The following RASSF5 variants were observed in gnomAD, a reference collection of about 807,000 sequenced individuals.
RASSF5 encodes ras association domain-containing protein 5.
RASSF5 carries 25 observed loss-of-function variants against 40.5 expected under a neutral mutation model. The ratio of observed to expected loss-of-function variants is 0.62; its 90% CI spans 0.45 to 0.86. RASSF5 has a LOEUF of 0.86. RASSF5 is among the 40% of genes least tolerant of loss of function. RASSF5 has a pLI of 0.00. For synonymous variants in RASSF5, 246 were observed against 252.4 expected (o/e 0.97, Z 0.24); for missense variants, 521 against 572.8 (o/e 0.91, Z 0.92).
intron 2 of RASSF5, among the ~76,000 whole-genome samples, chr1:206,551,456 ACTC>A (rs1242437774): frequency 6.6e-6 from 1 of 151,756 alleles, no homozygotes; most frequent in Non-Finnish European, 1.5e-5. Flanking sequence ...TCCTTCACAG[ACTC>A]CTGCCACACT....
chr1:206,519,650 A>G (rs1017800878), intron 1 of RASSF5, among the ~76,000 whole-genome samples: 11 of 152,126 alleles, frequency 7.2e-5, no homozygotes, highest in Non-Finnish European at 1.5e-4. Flanking sequence ...ATATACTTTC[A>G]AGAATCAGTG....
chr1:206,540,180 G>T (rs1553399191), intron 2 of RASSF5, among the ~76,000 whole-genome samples: 1 of 152,212 alleles, frequency 6.6e-6, no homozygotes, highest in African/African-American at 2.4e-5. Context: ...AGAATTATCT[G>T]ACCTCAAATG....
chr1:206,557,079 G>T (rs1202102346), intron 2 of RASSF5: 1 of 958,842 alleles, frequency 1.0e-6, no homozygotes. Flanking sequence ...CCGGGGGCGG[G>T]TGGCACCCAG....
intron 1 of RASSF5, chr1:206,529,192 T>C (rs1667172252): frequency 1.4e-6 from 2 of 1,431,496 alleles, no homozygotes; most frequent in Non-Finnish European, 1.9e-6. Context: ...ACTCAGCTGC[T>C]TAAGCTGGCC....
chr1:206,547,891 C>T (rs1319660312), intron 2 of RASSF5, among the ~76,000 whole-genome samples: 3 of 152,122 alleles, frequency 2.0e-5, no homozygotes, highest in Admixed American at 6.5e-5. Context: ...GGTTTCCATC[C>T]GATATCATTT....
At chr1:206,574,457 A>G (rs1160484887) in intron 2 of RASSF5, among the ~76,000 whole-genome samples, 2 of 152,150 alleles carry the variant, frequency 1.3e-5, no homozygotes, top group African/African-American at 4.8e-5. Context: ...GACATTGACC[A>G]TCTGCTCTAC....
chr1:206,525,652 A>G (rs1667080338), intron 1 of RASSF5, among the ~76,000 whole-genome samples: 1 of 152,180 alleles, frequency 6.6e-6, no homozygotes, highest in South Asian at 2.1e-4. Flanking sequence ...TTGTTTTGTT[A>G]TGTTGCCCAG....
chr1:206,518,367 C>T (rs1158218848), intron 1 of RASSF5: 1 of 398,530 alleles, frequency 2.5e-6, no homozygotes. Context: ...TGGAGAAAAG[C>T]TATTGATCTC....
intron 1 of RASSF5, among the ~76,000 whole-genome samples, chr1:206,524,192 G>C (rs1386312793): frequency 2.2e-5 from 3 of 133,768 alleles, no homozygotes; most frequent in Non-Finnish European, 4.6e-5. Context: ...ATATAATATA[G>C]ATACCATATG....
intron 2 of RASSF5, among the ~76,000 whole-genome samples, chr1:206,546,089 A>ATTTTTTTTTTTT (rs10603701): frequency 2.1e-5 from 1 of 48,248 alleles, no homozygotes; most frequent in African/African-American, 8.1e-5. Flanking sequence ...TTCTTTTTCT[A>ATTTTTTTTTTTT]TTTTTTTTTT....
intron 1 of RASSF5, among the ~76,000 whole-genome samples, chr1:206,525,721 G>T (rs1667081613): frequency 6.6e-6 from 1 of 152,180 alleles, no homozygotes; most frequent in African/African-American, 2.4e-5. Flanking sequence ...CACAGTGCTG[G>T]GATTACAGGC....
intron 1 of RASSF5, among the ~76,000 whole-genome samples, chr1:206,533,746 C>A (rs1425978425): frequency 3.3e-5 from 5 of 151,758 alleles, no homozygotes; most frequent in African/African-American, 4.8e-5. Context: ...GAGAGTGAGA[C>A]CCTGTCTTAA....
rs893896805 is a variant in RASSF5 at position 206,531,233 on chromosome 1, C to A, written c.458-6939C>A. On this transcript the variant is annotated intron_variant, in intron 1 of 5. Transcript: ENST00000579436. This position sits in a 1 kb window ranked among gnomAD's most constrained non-coding sequence, Gnocchi z 4.7. The stretch of plus-strand genomic sequence containing the variant: ...AGCATTCCTTCCTTTAGTCACTCAA[C>A]CAATTTGTAGTAGTCCCTTTCTGAA... 6.6e-6 allele frequency among the ~76,000 whole-genome samples: 1 copy of A among 152,344 alleles called. No individual in the cohort carries two copies. Among genetic ancestry groups the A allele is most frequent in the Admixed American group, 6.5e-5 (1 of 15,310 alleles).
chr1:206,549,300 G>T (rs922095921), intron 2 of RASSF5, among the ~76,000 whole-genome samples: 21 of 152,106 alleles, frequency 1.4e-4, no homozygotes, highest in African/African-American at 5.1e-4. Flanking sequence ...AACTCTAGTG[G>T]TTTGATGTGG....
At position 206,525,797 on chromosome 1, in the gene RASSF5, G is replaced by A. The variant is rs538714396; in HGVS notation, c.458-12375G>A. ...ACTTTGGTGTCTGAGCAACAACTGA[G>A]CAGATCTTATGCCTTTCCCTTTAGT... On this transcript the variant is annotated intron_variant, in intron 1 of 5. Transcript: ENST00000579436. Among the ~76,000 whole-genome samples, 12 of 152,286 alleles carry A rather than the reference G, an allele frequency of 7.9e-5. No homozygotes were observed. The South Asian group carries it at 2.3e-3, about 29-fold the overall frequency.
At chr1:206,571,327 A>G (rs781971586) in intron 2 of RASSF5, 4 of 151,876 alleles carry the variant, frequency 2.6e-5, no homozygotes, top group African/African-American at 4.8e-5. Context: ...CTGCATATCA[A>G]TCCCTTATGG....
intron 1 of RASSF5, among the ~76,000 whole-genome samples, chr1:206,520,606 CAAAA>C (rs548392441): frequency 1.7e-5 from 2 of 119,686 alleles, no homozygotes; most frequent in Non-Finnish European, 3.4e-5. Context: ...GACTCCATCT[CAAAA>C]AAAAAAAAAA....
Position 206,535,029 on chromosome 1 carries a change from G to A in RASSF5, c.458-3143G>A, listed in dbSNP as rs1270939745. On this transcript the variant is annotated intron_variant, in intron 1 of 5. Transcript: ENST00000579436. The surrounding 1 kb of genome is among the most constrained non-coding windows in gnomAD (Gnocchi z 5.0). ...GCAAATCGCTTGAGCCCAGGAGTTC[G>A]AGACCAGCCTGGGAAAAATGGTGAA... is the stretch of plus-strand genomic sequence containing the variant. Among the ~76,000 whole-genome samples the A allele has an allele frequency of 1.3e-5, 2 of 152,240 alleles. No homozygotes were observed. Among genetic ancestry groups the A allele is most frequent in the South Asian group, 2.1e-4 (1 of 4,822 alleles).
chr1:206,578,078 T>C (rs1389927584), intron 2 of RASSF5, among the ~76,000 whole-genome samples: 1 of 145,050 alleles, frequency 6.9e-6, no homozygotes, highest in Admixed American at 6.9e-5. Flanking sequence ...ATAAAAAAAA[T>C]TAGCCAGGAG....
Sources: gnomAD v4.1 joint callset for allele counts (sites outside exome capture counted in the v4.1 genomes callset) on GRCh38, gnomAD v4.1.1 for gene constraint, Gnocchi (gnomAD v3.1) non-coding constraint, MANE v1.5 for transcripts, NCBI Gene and HGNC (gene_info 2026-07-23, HGNC 2026-07-21) for gene names.